The following SMARCAL1 variants were observed in gnomAD, a reference collection of about 807,000 sequenced individuals.
The protein encoded by SMARCAL1 is SNF2 related chromatin remodeling annealing helicase 1.
Under a neutral mutation model 94.5 loss-of-function variants are expected in SMARCAL1, and 58 were observed. That is an observed-to-expected ratio of 0.61 (90% CI 0.50 to 0.76). The LOEUF is 0.76. SMARCAL1 is among the 30% of genes least tolerant of loss of function. SMARCAL1 has a pLI of 0.00. For missense variants in SMARCAL1, 1,051 were observed against 1,177.9 expected (o/e 0.89, Z 1.58); for synonymous variants, 422 against 455.1 (o/e 0.93, Z 0.93).
At chr2:216,436,214 C>T (rs552873458) in intron 9 of SMARCAL1, among the ~76,000 whole-genome samples, 1 of 152,260 alleles carries the variant, frequency 6.6e-6, no homozygotes, top group South Asian at 2.1e-4. Flanking sequence ...GGTGATCCAC[C>T]CACCTTGGCC....
intron 8 of SMARCAL1, among the ~76,000 whole-genome samples, chr2:216,434,376 G>A (rs986102490): frequency 6.6e-6 from 1 of 152,104 alleles, no homozygotes; most frequent in Non-Finnish European, 1.5e-5. Context: ...AAGTAGTCTC[G>A]TCATCATCAA....
chr2:216,446,794 A>G (rs1694324886), intron 10 of SMARCAL1: 1 of 667,996 alleles, frequency 1.5e-6, no homozygotes, highest in East Asian at 2.9e-5. Context: ...AATTCAATGT[A>G]ATATGTTAAG....
At chr2:216,428,094 A>G (rs751770476) in intron 6 of SMARCAL1, among the ~76,000 whole-genome samples, 4 of 152,186 alleles carry the variant, frequency 2.6e-5, no homozygotes, top group Non-Finnish European at 5.9e-5. Context: ...AGATTTTTCA[A>G]AGGAAAATTA....
At chr2:216,435,133 C>T (rs559497216) in intron 8 of SMARCAL1, among the ~76,000 whole-genome samples, 151 of 152,158 alleles carry the variant, frequency 9.9e-4, no homozygotes, top group Non-Finnish European at 1.8e-3. Context: ...GCTGGGATTA[C>T]AGGTGTGAGC....
At chr2:216,422,841 G>T (rs1021771790) in intron 5 of SMARCAL1, among the ~76,000 whole-genome samples, 7 of 152,188 alleles carry the variant, frequency 4.6e-5, no homozygotes, top group African/African-American at 1.7e-4. Context: ...TCTATTTAAA[G>T]AATCAGCCAC....
At chr2:216,440,788 G>A (rs560850027) in intron 10 of SMARCAL1, among the ~76,000 whole-genome samples, 2 of 152,182 alleles carry the variant, frequency 1.3e-5, no homozygotes, top group East Asian at 3.9e-4. Context: ...CTCTGTTGTT[G>A]GGGGGCTGTT....
chr2:216,459,885 A>G (rs1230312197), intron 12 of SMARCAL1, among the ~76,000 whole-genome samples: 2 of 152,224 alleles, frequency 1.3e-5, no homozygotes, highest in African/African-American at 4.8e-5. Context: ...AACTACCATC[A>G]GAGTGAACAG....
chr2:216,435,158 C>T (rs756961075), intron 8 of SMARCAL1, among the ~76,000 whole-genome samples, 180 bp from the exon 9 acceptor site: 53 of 152,000 alleles, frequency 3.5e-4, no homozygotes, highest in Non-Finnish European at 7.1e-4. Flanking sequence ...GCACCCGTCT[C>T]CCCCAACTCT....
intron 14 of SMARCAL1, among the ~76,000 whole-genome samples, chr2:216,473,939 C>A (rs1040502445): frequency 5.3e-5 from 8 of 152,162 alleles, no homozygotes; most frequent in African/African-American, 1.9e-4. Context: ...GGAATCAACT[C>A]AGATGTCCTT....
Position 216,416,300 on chromosome 2 carries a change from T to C in SMARCAL1, c.855T>C (p.Ser285=). Residue 285 remains serine (S), a synonymous_variant, in exon 4 of 18, where the codon AGT becomes AGC. Coordinates refer to ENST00000357276, the MANE Select transcript of SMARCAL1 (RefSeq NM_014140.4). The part of the protein sequence containing the change: ...KTWNFSMNDY[S]ALMKAAQSLP... ...GGAACTTCAGCATGAATGACTATAG[T>C]GCCCTGAGTAAGTAGACACATGGTT... The C allele has an allele frequency of 6.2e-7, 1 of 1,613,282 alleles. No individual in the cohort carries two copies. Among genetic ancestry groups the C allele is most frequent in the Non-Finnish European group, 8.5e-7 (1 of 1,179,284 alleles).
chr2:216,467,817 G>A, intron 13 of SMARCAL1, 127 bp from the exon 14 acceptor site: 1 of 707,644 alleles, frequency 1.4e-6, no homozygotes, highest in Admixed American at 2.0e-5. Flanking sequence ...ATAGTCGGAG[G>A]TAAAGTGAAA....
At chr2:216,462,372 G>A (rs555083413) in intron 12 of SMARCAL1, among the ~76,000 whole-genome samples, 31 of 152,260 alleles carry the variant, frequency 2.0e-4, no homozygotes, top group African/African-American at 6.7e-4. Flanking sequence ...CACATGCTGC[G>A]AGTGAGGTCA....
chr2:216,440,049 GAAA>G (rs60422006), intron 10 of SMARCAL1, among the ~76,000 whole-genome samples: 14,314 of 122,174 alleles, frequency 0.12, 815 homozygotes, highest in South Asian at 0.23. Context: ...CTCAAAAAAA[GAAA>G]AAAAAAAAAA....
chr2:216,441,683 CA>C (rs1694199485), intron 10 of SMARCAL1, among the ~76,000 whole-genome samples: 1 of 152,180 alleles, frequency 6.6e-6, no homozygotes, highest in African/African-American at 2.4e-5. Flanking sequence ...CAAATTCCTA[CA>C]ATCAGAATTG....
At chr2:216,478,625 G>A (rs181968289) in intron 17 of SMARCAL1, among the ~76,000 whole-genome samples, 1 of 152,286 alleles carries the variant, frequency 6.6e-6, no homozygotes, top group East Asian at 1.9e-4. Context: ...ACCACACATA[G>A]GGCTGCCACA....
Position 216,438,500 on chromosome 2 carries a change from G to A in SMARCAL1, c.1710+15G>A. On this transcript the variant is annotated intron_variant, in intron 10 of 17. Coordinates refer to ENST00000357276, the MANE Select transcript of SMARCAL1 (RefSeq NM_014140.4). ...CGGTCCTAAAGGTGAGTACTTCTGA[G>A]AACTGAGCCCACTGAGCATTGGCAT... 1 of 1,611,744 alleles carries A rather than the reference G, an allele frequency of 6.2e-7. No homozygotes were observed. Among genetic ancestry groups the A allele is most frequent in the Non-Finnish European group, 8.5e-7 (1 of 1,178,200 alleles).
intron 12 of SMARCAL1, among the ~76,000 whole-genome samples, chr2:216,463,999 G>A (rs929962494): frequency 1.3e-5 from 2 of 152,168 alleles, no homozygotes; most frequent in African/African-American, 4.8e-5. Flanking sequence ...CCGAGATCGC[G>A]CCACTGCACT....
intron 10 of SMARCAL1, among the ~76,000 whole-genome samples, chr2:216,439,330 G>C (rs1033157548): frequency 5.9e-5 from 9 of 152,098 alleles, no homozygotes; most frequent in African/African-American, 1.9e-4. Flanking sequence ...ATTATGGGGG[G>C]GGGGGATGAT....
At chr2:216,418,343 T>C (rs1353883294) in intron 4 of SMARCAL1, among the ~76,000 whole-genome samples, 1 of 152,246 alleles carries the variant, frequency 6.6e-6, no homozygotes, top group Non-Finnish European at 1.5e-5. Flanking sequence ...AGCTTTCAGA[T>C]GAATTTTTCT....
Sources: allele counts gnomAD v4.1 joint callset (sites outside exome capture counted in the v4.1 genomes callset), GRCh38; gene constraint gnomAD v4.1.1; transcripts MANE v1.5; gene names NCBI Gene and HGNC (gene_info 2026-07-23, HGNC 2026-07-21).